The following CNTN4 variants were observed in gnomAD, a reference collection of about 807,000 sequenced individuals.
The protein encoded by CNTN4 is contactin 4.
In CNTN4, 77 loss-of-function variants were observed where a neutral mutation model predicts 122.5. The observed-to-expected ratio is 0.63, with a 90% CI of 0.52 to 0.76. CNTN4 has a LOEUF of 0.76. Ranked by LOEUF, CNTN4 falls within the 30% of genes least tolerant of loss-of-function variation. CNTN4 has a pLI of 0.00. For synonymous variants in CNTN4, 512 were observed against 447.0 expected, an observed-to-expected ratio of 1.15 and a Z score of -1.83; for missense variants, 1,256 against 1,259.1, an observed-to-expected ratio of 1.00 and a Z score of 0.04.
chr3:2,520,574 C>T (rs2077177305), intron 3 of CNTN4, among the ~76,000 whole-genome samples: 1 of 151,860 alleles, frequency 6.6e-6, no homozygotes, highest in Admixed American at 6.6e-5. Context: ...ACATCCAGCC[C>T]TTTTTTCCTT....
At chr3:2,141,202 C>G (rs1388094508) in intron 2 of CNTN4, among the ~76,000 whole-genome samples, 1 of 152,124 alleles carries the variant, frequency 6.6e-6, no homozygotes, top group Non-Finnish European at 1.5e-5. Flanking sequence ...TCTAGAACCT[C>G]TGAATATGCT....
chr3:2,962,519 C>G (rs1011409264), intron 13 of CNTN4, among the ~76,000 whole-genome samples: 7 of 152,178 alleles, frequency 4.6e-5, no homozygotes, highest in African/African-American at 1.2e-4. Context: ...AGTTTTGAAA[C>G]TAAATGAATC....
chr3:2,871,350 TTACTA>T (rs2093781918), intron 8 of CNTN4, among the ~76,000 whole-genome samples: 1 of 152,198 alleles, frequency 6.6e-6, no homozygotes, highest in Non-Finnish European at 1.5e-5. Flanking sequence ...AAAAGACAGA[TTACTA>T]TAGTGTATAG....
intron 6 of CNTN4, among the ~76,000 whole-genome samples, chr3:2,761,109 G>A (rs2090569838): frequency 1.3e-5 from 2 of 152,238 alleles, no homozygotes; most frequent in Middle Eastern, 3.4e-3. Context: ...TAACTAAAAG[G>A]CCCACCTTGT....
At chr3:2,912,889 C>G (rs1055628681) in intron 12 of CNTN4, among the ~76,000 whole-genome samples, 15 of 152,204 alleles carry the variant, frequency 9.9e-5, no homozygotes, top group African/African-American at 3.6e-4. Flanking sequence ...CAGTGGCTCA[C>G]GCCCGTAATC....
At chr3:2,847,870 G>A (rs895703157) in intron 7 of CNTN4, among the ~76,000 whole-genome samples, 4 of 152,074 alleles carry the variant, frequency 2.6e-5, no homozygotes, top group East Asian at 1.9e-4. Flanking sequence ...TGCTCTTACC[G>A]GGGCCGACTT....
chr3:2,535,237 T>C (rs553712456), intron 3 of CNTN4, among the ~76,000 whole-genome samples: 12 of 152,292 alleles, frequency 7.9e-5, no homozygotes, highest in East Asian at 3.9e-4. Context: ...ACATCCCCCA[T>C]GGTTGGATAC....
chr3:2,962,042 C>T (rs1419809083), intron 13 of CNTN4, among the ~76,000 whole-genome samples: 1 of 152,178 alleles, frequency 6.6e-6, no homozygotes, highest in African/African-American at 2.4e-5. Flanking sequence ...AATTTTAAGT[C>T]ATATGAAAGA....
chr3:2,465,394 T>C (rs937279274), intron 3 of CNTN4, among the ~76,000 whole-genome samples: 1 of 152,072 alleles, frequency 6.6e-6, no homozygotes, highest in Non-Finnish European at 1.5e-5. Flanking sequence ...ATAAAAATAA[T>C]GTCCGGGCGT....
chr3:2,149,611 T>G (rs1028534868), intron 2 of CNTN4, among the ~76,000 whole-genome samples: 1 of 152,234 alleles, frequency 6.6e-6, no homozygotes, highest in African/African-American at 2.4e-5. Flanking sequence ...GCATGCTATG[T>G]AGATACTACT....
chr3:2,414,602 A>G (rs1181254269), intron 3 of CNTN4, among the ~76,000 whole-genome samples: 1 of 152,162 alleles, frequency 6.6e-6, no homozygotes, highest in Non-Finnish European at 1.5e-5. Flanking sequence ...ACAAATGAAT[A>G]TGATCATAGT....
At chr3:2,808,394 G>A (rs1345076448) in intron 6 of CNTN4, among the ~76,000 whole-genome samples, 2 of 152,018 alleles carry the variant, frequency 1.3e-5, no homozygotes, top group Non-Finnish European at 2.9e-5. Flanking sequence ...TTGGTACAAT[G>A]AATTACAACC....
chr3:3,026,715 A>C (rs527290165), intron 15 of CNTN4, among the ~76,000 whole-genome samples: 2 of 152,314 alleles, frequency 1.3e-5, no homozygotes, highest in African/African-American at 4.8e-5. Flanking sequence ...TTGACCTTGT[A>C]GAAGGCACGT....
intron 8 of CNTN4, among the ~76,000 whole-genome samples, chr3:2,871,558 C>A (rs2093784695): frequency 6.6e-6 from 1 of 151,940 alleles, no homozygotes; most frequent in Non-Finnish European, 1.5e-5. Flanking sequence ...ATTTTTAGAA[C>A]ATTGTTTGAT....
chr3:2,125,733 A>T (rs2034106013), intron 2 of CNTN4, among the ~76,000 whole-genome samples: 1 of 151,306 alleles, frequency 6.6e-6, no homozygotes. Context: ...AATTTTCTGT[A>T]TTTTTAGTAG....
chr3:2,379,456 G>A (rs981205795), intron 3 of CNTN4, among the ~76,000 whole-genome samples: 3 of 151,884 alleles, frequency 2.0e-5, no homozygotes, highest in African/African-American at 4.8e-5. Flanking sequence ...TAATTGAGGT[G>A]GTTGACCTCA....
intron 3 of CNTN4, among the ~76,000 whole-genome samples, chr3:2,347,567 A>G (rs2044449355): frequency 6.6e-6 from 1 of 151,866 alleles, no homozygotes. Flanking sequence ...CCATCATCAC[A>G]CCCAGCTAAT....
intron 4 of CNTN4, among the ~76,000 whole-genome samples, chr3:2,614,216 C>G (rs928320408): frequency 6.6e-6 from 1 of 152,066 alleles, no homozygotes; most frequent in Non-Finnish European, 1.5e-5. Flanking sequence ...GAAGTATATT[C>G]TAAGCATTGG....
intron 4 of CNTN4, among the ~76,000 whole-genome samples, chr3:2,683,605 G>C (rs1159387029): frequency 6.6e-6 from 1 of 151,690 alleles, no homozygotes; most frequent in African/African-American, 2.4e-5. Context: ...TGATGAAGAT[G>C]ATGATGATTA....
Sources: allele counts gnomAD v4.1 joint callset (sites outside exome capture counted in the v4.1 genomes callset), GRCh38; gene constraint gnomAD v4.1.1; transcripts MANE v1.5; gene names NCBI Gene and HGNC (gene_info 2026-07-23, HGNC 2026-07-21).